The following PTPRA variants were observed in gnomAD, a reference collection of about 807,000 sequenced individuals.
PTPRA encodes the protein protein tyrosine phosphatase receptor type A, also known as receptor-type tyrosine-protein phosphatase alpha.
A neutral mutation model predicts 104.8 loss-of-function variants in PTPRA; 25 were observed. The observed-to-expected ratio is 0.24, with a 90% CI of 0.17 to 0.33. The LOEUF is 0.33. Ranked by LOEUF, PTPRA falls within the 10% of genes least tolerant of loss-of-function variation. The pLI is 1.00. For synonymous variants in PTPRA, 323 were observed against 368.9 expected, an observed-to-expected ratio of 0.88 and a Z score of 1.43; for missense variants, 765 against 1,015.3, an observed-to-expected ratio of 0.75 and a Z score of 3.35.
At chr20:2,893,343 A>G (rs1474659476) in intron 1 of PTPRA, among the ~76,000 whole-genome samples, 1 of 152,222 alleles carries the variant, frequency 6.6e-6, no homozygotes, top group Non-Finnish European at 1.5e-5. Flanking sequence ...CTGAGTATAA[A>G]GTATAATCAA....
At chr20:2,864,238 G>A in the PTPRA span, 4 of 1,614,224 alleles carry the variant, frequency 2.5e-6, no homozygotes, top group South Asian at 3.3e-5. This position sits in a 1 kb window ranked among gnomAD's most constrained non-coding sequence, Gnocchi z 5.2. Context: ...AGATGAAGAG[G>A]AGCAAACTGG....
At chr20:2,926,926 G>C (rs1336947116) in intron 2 of PTPRA, among the ~76,000 whole-genome samples, 1 of 151,700 alleles carries the variant, frequency 6.6e-6, no homozygotes, top group Admixed American at 6.6e-5. Context: ...AAGTAGCTGG[G>C]ATTACAGGCA....
chr20:2,946,859 AAAT>A (rs1259443400), intron 2 of PTPRA, among the ~76,000 whole-genome samples: 5 of 150,856 alleles, frequency 3.3e-5, no homozygotes, highest in Non-Finnish European at 5.9e-5. Context: ...GAAAAAAAAA[AAAT>A]AATAATAATA....
intron 14 of PTPRA, 119 bp downstream of exon 14, chr20:3,021,547 G>A (rs773923039): frequency 8.7e-5 from 120 of 1,375,088 alleles, no homozygotes; most frequent in Non-Finnish European, 1.0e-4. Context: ...TGTGAATTCT[G>A]AAACCAGATA....
chr20:3,027,061 G>C, intron 18 of PTPRA, 60 bp from the exon 19 acceptor site: 1 of 1,558,402 alleles, frequency 6.4e-7, no homozygotes, highest in Non-Finnish European at 8.8e-7. Context: ...TGGGAGCAAT[G>C]CAAGGAGAGG....
intron 11 of PTPRA, among the ~76,000 whole-genome samples, chr20:3,013,025 T>G (rs2064251230): frequency 6.6e-6 from 1 of 152,186 alleles, no homozygotes. Context: ...CCATCACCAA[T>G]TTTAGAACAT....
chr20:2,931,379 G>T (rs1223049042), intron 2 of PTPRA, among the ~76,000 whole-genome samples: 2 of 152,152 alleles, frequency 1.3e-5, no homozygotes, highest in Admixed American at 1.3e-4. Context: ...AAATAAAGAT[G>T]TCTAGAGAAT....
intron 2 of PTPRA, among the ~76,000 whole-genome samples, chr20:2,925,088 G>A (rs957326910): frequency 5.9e-5 from 9 of 151,964 alleles, no homozygotes; most frequent in African/African-American, 1.9e-4. Flanking sequence ...CAATTCATTG[G>A]CATTAAGTAC....
At position 3,017,831 on chromosome 20, in the gene PTPRA, C is replaced by T. The variant is rs1410543684; in HGVS notation, c.959C>T (p.Thr320Met). 3.1e-6 allele frequency: 5 copies of T among 1,614,052 alleles called. No individual in the cohort carries two copies. The highest frequency in any genetic ancestry group is 1.3e-5 in the African/African-American group (1 of 75,028). The change falls in exon 13 of 24, where the codon ACG becomes ATG. Residue 320 changes from threonine to methionine, a missense_variant. Around this residue, in one of 4 missense-constraint regions of PTPRA, gnomAD observed 245 missense variants for 398.7 expected, o/e 0.61. Coordinates refer to ENST00000399903, the MANE Select transcript of PTPRA (RefSeq NM_001385305.1). Reference protein sequence around the residue: ...FIAAQGPKEETVNDFWRMIWE... With the variant: ...FIAAQGPKEEMVNDFWRMIWE... ...GCTACTTTAGGACCAAAAGAAGAAA[C>T]GGTGAATGATTTCTGGCGGATGATC...
chr20:2,938,403 C>T (rs1284604744), intron 2 of PTPRA, among the ~76,000 whole-genome samples: 2 of 152,124 alleles, frequency 1.3e-5, no homozygotes, highest in Non-Finnish European at 2.9e-5. Flanking sequence ...CCAAGCTGGT[C>T]TCGAACTCCT....
intron 1 of PTPRA, among the ~76,000 whole-genome samples, chr20:2,905,625 A>C (rs2059395176): frequency 6.6e-6 from 1 of 151,958 alleles, no homozygotes; most frequent in Admixed American, 6.6e-5. Context: ...CTTTTCACCA[A>C]ATTACTGTCT....
intron 9 of PTPRA, among the ~76,000 whole-genome samples, chr20:2,993,007 C>G (rs1194209223): frequency 6.6e-6 from 1 of 152,154 alleles, no homozygotes; most frequent in African/African-American, 2.4e-5. Context: ...TTGCTTGAGC[C>G]TAGGAGTTTG....
chr20:3,037,160 G>T lies in PTPRA; in HGVS notation c.2205G>T (p.Gly735=). 1.2e-6 allele frequency: 2 copies of T among 1,614,084 alleles called. No individual in the cohort carries two copies. Among genetic ancestry groups the T allele is most frequent in the Non-Finnish European group, 1.7e-6 (2 of 1,179,976 alleles). ...NHPITVHCSA[G]AGRTGTFCAL... is the part of the protein sequence containing the mutation. ...TGTGTCTGCTCTGTTGCAGCGCCGG[G>T]GCAGGAAGGACGGGGACCTTCTGTG... is the stretch of plus-strand genomic sequence containing the variant. Residue 735 remains glycine, a synonymous_variant, in exon 23 of 24, where the codon GGG becomes GGT. Transcript: ENST00000399903. This position sits in a 1 kb window ranked among gnomAD's most constrained non-coding sequence, Gnocchi z 4.3.
chr20:3,010,965 A>G (rs1029792310), intron 11 of PTPRA, among the ~76,000 whole-genome samples: 1 of 152,278 alleles, frequency 6.6e-6, no homozygotes, highest in Non-Finnish European at 1.5e-5. Context: ...AACCAGCAGC[A>G]TCTGCCACCG....
chr20:3,025,989 G>A (rs534829596), intron 17 of PTPRA, among the ~76,000 whole-genome samples: 3 of 149,620 alleles, frequency 2.0e-5, no homozygotes, highest in South Asian at 2.1e-4. Context: ...CTTGTCACCC[G>A]GGCTGGGGTG....
At chr20:2,875,060 G>A (rs1207619580) in intron 1 of PTPRA, among the ~76,000 whole-genome samples, 2 of 152,074 alleles carry the variant, frequency 1.3e-5, no homozygotes, top group African/African-American at 4.8e-5. Context: ...TCTATCTCCC[G>A]TGGTGGGAGA....
intron 6 of PTPRA, among the ~76,000 whole-genome samples, chr20:2,983,003 A>C (rs1467256152): frequency 1.3e-5 from 2 of 152,172 alleles, no homozygotes; most frequent in Non-Finnish European, 2.9e-5. Context: ...TGGCCGTAAC[A>C]GCTAAAATGA....
At chr20:2,899,905 G>A (rs1262751304) in intron 1 of PTPRA, among the ~76,000 whole-genome samples, 4 of 152,080 alleles carry the variant, frequency 2.6e-5, no homozygotes, top group African/African-American at 7.2e-5. Flanking sequence ...TCAGTTGCTC[G>A]AGACCAGCCT....
chr20:2,905,690 C>CTTTTTTTTTTTTTTTTT (rs11479039), intron 1 of PTPRA, among the ~76,000 whole-genome samples: 2 of 70,632 alleles, frequency 2.8e-5, no homozygotes, highest in Non-Finnish European at 5.6e-5. Context: ...TCATAAAATT[C>CTTTTTTTTTTTTTTTTT]TTTTTTTTTT....
Sources: allele counts gnomAD v4.1 joint callset (sites outside exome capture counted in the v4.1 genomes callset), GRCh38; gene constraint gnomAD v4.1.1; regional missense constraint gnomAD v4.1.1; non-coding constraint Gnocchi (gnomAD v3.1); transcripts MANE v1.5; gene names NCBI Gene and HGNC (gene_info 2026-07-23, HGNC 2026-07-21).